The following CCDC167 variants were observed in gnomAD, a reference collection of about 807,000 sequenced individuals.
CCDC167 encodes coiled-coil domain containing 167, also known as coiled-coil domain-containing protein 167.
In CCDC167, 15 loss-of-function variants were observed where a neutral mutation model predicts 12.7. The ratio of observed to expected loss-of-function variants is 1.18; its 90% CI spans 0.79 to 1.81. The LOEUF (loss-of-function observed/expected upper bound fraction) is 1.81, where lower values mean the gene tolerates loss of function less well. Among genes scored for constraint, CCDC167 ranks in the 40% most tolerant of loss-of-function variants. The pLI is 0.00. For synonymous variants in CCDC167, 52 were observed against 49.0 expected, an observed-to-expected ratio of 1.06 and a Z score of -0.26; for missense variants, 121 against 120.1, an observed-to-expected ratio of 1.01 and a Z score of -0.03.
At chr6:37,484,923 G>C in intron 2 of CCDC167, 61 bp from the exon 3 acceptor site, 1 of 1,592,164 alleles carries the variant, frequency 6.3e-7, no homozygotes, top group Non-Finnish European at 8.6e-7. Flanking sequence ...CCGAGGGGCA[G>C]CTGGCATGCC....
chr6:37,492,280 C>T (rs965393255), intron 1 of CCDC167, among the ~76,000 whole-genome samples: 11 of 152,320 alleles, frequency 7.2e-5, no homozygotes, highest in Admixed American at 2.6e-4. Flanking sequence ...ACAGTCATTC[C>T]ACATCCCAGC....
At chr6:37,494,278 G>A (rs575474755) in intron 1 of CCDC167, among the ~76,000 whole-genome samples, 66 of 152,168 alleles carry the variant, frequency 4.3e-4, no homozygotes, top group South Asian at 3.3e-3. Flanking sequence ...GGTCAGGCTG[G>A]TCTCGAACTC....
At chr6:37,487,686 C>T (rs922532695) in intron 1 of CCDC167, among the ~76,000 whole-genome samples, 1 of 152,168 alleles carries the variant, frequency 6.6e-6, no homozygotes, top group Non-Finnish European at 1.5e-5. Flanking sequence ...CAGAGCAAGG[C>T]CAGGAACTCA....
chr6:37,490,052 C>A (rs1158395254), intron 1 of CCDC167, among the ~76,000 whole-genome samples: 1 of 152,208 alleles, frequency 6.6e-6, no homozygotes, highest in Middle Eastern at 3.2e-3. Context: ...GTGTCCCAGT[C>A]ACTGAGATGA....
chr6:37,484,240 G>A (rs1027812356), intron 3 of CCDC167, among the ~76,000 whole-genome samples: 8 of 152,156 alleles, frequency 5.3e-5, no homozygotes, highest in South Asian at 4.1e-4. Context: ...GAACAGAACC[G>A]ACAAGTCTGA....
intron 1 of CCDC167, among the ~76,000 whole-genome samples, chr6:37,490,139 CCACT>C (rs1761998389): frequency 6.6e-6 from 1 of 152,220 alleles, no homozygotes; most frequent in Non-Finnish European, 1.5e-5. Flanking sequence ...TGGTATGAAC[CCACT>C]GTCAGCCAGC....
chr6:37,494,351 C>A (rs1271996785), intron 1 of CCDC167, among the ~76,000 whole-genome samples: 1 of 152,206 alleles, frequency 6.6e-6, no homozygotes, highest in East Asian at 1.9e-4. Context: ...GCGTGAGCCA[C>A]CGCACCCAGC....
At chr6:37,490,965 T>C (rs555061005) in intron 1 of CCDC167, among the ~76,000 whole-genome samples, 15 of 152,226 alleles carry the variant, frequency 9.9e-5, no homozygotes, top group Admixed American at 5.2e-4. Context: ...TTCTGGGAGC[T>C]TTAAGGAAGT....
chr6:37,499,491 G>A (rs903454282), intron 1 of CCDC167, among the ~76,000 whole-genome samples: 1 of 151,888 alleles, frequency 6.6e-6, no homozygotes, highest in Non-Finnish European at 1.5e-5. Flanking sequence ...CCTCACCTCT[G>A]TACCCATCCC....
chr6:37,497,900 AAAAAC>A (rs1163030289), intron 1 of CCDC167, among the ~76,000 whole-genome samples: 2 of 152,156 alleles, frequency 1.3e-5, no homozygotes, highest in Admixed American at 6.5e-5. Context: ...TGAGAATGAA[AAAAAC>A]AAAACAAAAC....
intron 1 of CCDC167, among the ~76,000 whole-genome samples, chr6:37,490,420 G>A (rs1306359588): frequency 6.6e-6 from 1 of 152,112 alleles, no homozygotes; most frequent in Non-Finnish European, 1.5e-5. Context: ...AATGGAGAAG[G>A]AGCATCCCTC....
intron 1 of CCDC167, among the ~76,000 whole-genome samples, chr6:37,485,654 C>T (rs1165534457): frequency 1.3e-5 from 2 of 152,246 alleles, no homozygotes; most frequent in East Asian, 3.8e-4. Context: ...AAACACTCCA[C>T]ACGTGTGGGG....
chr6:37,484,734 G>A lies in CCDC167; in HGVS notation c.190+76C>T, dbSNP rs537526119. The A allele has an allele frequency of 4.6e-5, 71 of 1,558,514 alleles. No individual in the cohort carries two copies. The East Asian group carries it at 1.4e-3, about 31-fold the overall frequency. On this transcript the variant is annotated intron_variant, in intron 3 of 3. Transcript: ENST00000373408. ...CCCCTTGCTCCCTGCTGCCTTGTCA[G>A]GCCCCTTGGGCTTCTGACCCTTCCT...
chr6:37,491,094 G>T (rs984567911), intron 1 of CCDC167, among the ~76,000 whole-genome samples: 1 of 152,054 alleles, frequency 6.6e-6, no homozygotes, highest in South Asian at 2.1e-4. Flanking sequence ...AGAGCCCCAC[G>T]GAGGCCTCAC....
rs563318433 is a variant in CCDC167, at chr6:37,491,199, G to A, written c.43-6005C>T. On this transcript the variant is annotated intron_variant, in intron 1 of 3. Coordinates refer to ENST00000373408, the MANE Select transcript of CCDC167 (RefSeq NM_138493.3). ...TGGGGTGCCAGCTCCACGGCTAGCT[G>A]CTGTTGGGGGCCTCATATGCAGCTT... Among the ~76,000 whole-genome samples, 5 of 152,334 alleles carry A rather than the reference G, an allele frequency of 3.3e-5. No homozygotes were observed. In the South Asian group the frequency reaches 1.0e-3, roughly 32 times the overall value.
chr6:37,496,558 A>G (rs11967427), intron 1 of CCDC167, among the ~76,000 whole-genome samples: 2,271 of 152,360 alleles, frequency 0.015, 54 homozygotes, highest in African/African-American at 0.052. Flanking sequence ...CCTTCATGTT[A>G]TAGATGAGTG....
intron 3 of CCDC167, 118 bp downstream of exon 3, chr6:37,484,692 G>A: frequency 2.6e-6 from 3 of 1,172,744 alleles, no homozygotes; most frequent in South Asian, 2.5e-5. Flanking sequence ...CTGGGGGCTG[G>A]TTCCCTCCCA....
At chr6:37,494,992 GT>G (rs1762080237) in intron 1 of CCDC167, among the ~76,000 whole-genome samples, 1 of 151,838 alleles carries the variant, frequency 6.6e-6, no homozygotes, top group South Asian at 2.1e-4. Flanking sequence ...TAGAGATGGT[GT>G]TTCACCATGT....
chr6:37,499,678 C>T, intron 1 of CCDC167, 144 bp downstream of exon 1: 1 of 947,430 alleles, frequency 1.1e-6, no homozygotes, highest in East Asian at 2.6e-5. Context: ...GGCCTTCTCA[C>T]CCCTCCCGTC....
Sources: allele counts gnomAD v4.1 joint callset (sites outside exome capture counted in the v4.1 genomes callset), GRCh38; gene constraint gnomAD v4.1.1; transcripts MANE v1.5; gene names NCBI Gene and HGNC (gene_info 2026-07-23, HGNC 2026-07-21).